The following RHOU variants were observed in gnomAD, a reference collection of about 807,000 sequenced individuals.
RHOU encodes ras homolog family member U, also known as rho-related GTP-binding protein RhoU.
In RHOU, 8 loss-of-function variants were observed where a neutral mutation model predicts 12.6. The ratio of observed to expected loss-of-function variants is 0.64; its 90% confidence interval spans 0.37 to 1.15. RHOU has a LOEUF of 1.15. RHOU is among the 50% of genes most tolerant of loss of function. RHOU has a pLI of 0.01. For synonymous variants in RHOU, 161 were observed against 147.4 expected, an observed-to-expected ratio of 1.09 and a Z score of -0.67; for missense variants, 258 against 347.0, an observed-to-expected ratio of 0.74 and a Z score of 2.04.
chr1:228,692,779 C>T, the RHOU span, among the ~76,000 whole-genome samples: 1 of 151,562 alleles, frequency 6.6e-6, no homozygotes, highest in Admixed American at 6.6e-5. Context: ...CCTATGGATA[C>T]TAGATTTAAG....
chr1:228,738,015 A>G lies in RHOU; in HGVS notation c.321+284A>G, dbSNP rs1169655069. Among the ~76,000 whole-genome samples the G allele has an allele frequency of 6.6e-6, 1 of 152,188 alleles. No individual in the cohort carries two copies. Among genetic ancestry groups the G allele is most frequent in the African/African-American group, 2.4e-5 (1 of 41,440 alleles). On this transcript the variant is annotated intron_variant, in intron 2 of 2. Coordinates refer to ENST00000366691, the MANE Select transcript of RHOU (RefSeq NM_021205.6). This position sits in a 1 kb window ranked among gnomAD's most constrained non-coding sequence, Gnocchi z 4.2. ...AAGAACAGCTCTTGTAGGAGTTTCT[A>G]TTACTTACTCCCTGGTTTTTATGAA... is the stretch of plus-strand genomic sequence containing the variant.
the RHOU span, among the ~76,000 whole-genome samples, chr1:228,665,516 C>T: frequency 2.0e-5 from 3 of 152,184 alleles, no homozygotes; most frequent in Admixed American, 2.0e-4. Flanking sequence ...CTGAGTGACT[C>T]AAATCAGGTA....
At position 228,737,622 on chromosome 1, in the gene RHOU, G is replaced by T. The variant is rs996153168; in HGVS notation, c.263-51G>T. 8 of 1,544,010 alleles carry T rather than the reference G, an allele frequency of 5.2e-6. No homozygotes were observed. Among genetic ancestry groups the T allele is most frequent in the South Asian group, 1.1e-5 (1 of 89,668 alleles). On this transcript the variant is annotated intron_variant, in intron 1 of 2. Coordinates refer to ENST00000366691, the MANE Select transcript of RHOU (RefSeq NM_021205.6). The surrounding 1 kb of genome is among the most constrained non-coding windows in gnomAD (Gnocchi z 4.1). ...TGAAAGCTAAAACTATTAGTATTCCGAAAGGGGTTAAAAGACACCTCCTGA... is the reference window on the plus strand; with the variant it reads ...TGAAAGCTAAAACTATTAGTATTCCTAAAGGGGTTAAAAGACACCTCCTGA...
chr1:228,736,958 C>T (rs1351260649), intron 1 of RHOU, among the ~76,000 whole-genome samples: 2 of 131,636 alleles, frequency 1.5e-5, no homozygotes, highest in Non-Finnish European at 3.2e-5. Context: ...ACCCCTGCAG[C>T]TGACTAGTAT....
the RHOU span, among the ~76,000 whole-genome samples, chr1:228,707,186 T>TATATATATACATATATATATAC: frequency 6.7e-5 from 7 of 104,568 alleles, no homozygotes; most frequent in African/African-American, 3.3e-4. Flanking sequence ...TAACAAAATA[T>TATATATATACATATATATATAC]ATATATATAC....
chr1:228,731,100 A>G (rs1662487947), upstream of RHOU, among the ~76,000 whole-genome samples: 1 of 152,224 alleles, frequency 6.6e-6, no homozygotes, highest in Non-Finnish European at 1.5e-5. Flanking sequence ...AAAAAATCCT[A>G]GAAAATGTAT....
upstream of RHOU, among the ~76,000 whole-genome samples, chr1:228,731,674 A>T (rs954467208): frequency 4.6e-5 from 7 of 152,146 alleles, no homozygotes; most frequent in African/African-American, 1.7e-4. Context: ...TTCATGGAAG[A>T]AGGAGGAAGG....
At chr1:228,651,086 G>T in the RHOU span, 1 of 235,804 alleles carries the variant, frequency 4.2e-6, no homozygotes, top group South Asian at 7.6e-5. Flanking sequence ...CTGCCTGAAG[G>T]AGGCCTTCAA....
chr1:228,738,324 C>T lies in RHOU; in HGVS notation c.321+593C>T, dbSNP rs528909267. Among the ~76,000 whole-genome samples, 23 of 152,288 alleles carry T rather than the reference C, an allele frequency of 1.5e-4. No individual in the cohort carries two copies. Among genetic ancestry groups the T allele is most frequent in the African/African-American group, 4.6e-4 (19 of 41,548 alleles). On this transcript the variant is annotated intron_variant, in intron 2 of 2. Transcript: ENST00000366691. The surrounding 1 kb of genome is among the most constrained non-coding windows in gnomAD (Gnocchi z 4.2). ...AAACTGTGAACGCTGGTTCTTGTCT[C>T]GAGGGCTGGGCCCTTGGAGGAAATA... is the stretch of plus-strand genomic sequence containing the variant.
At position 228,735,864 on chromosome 1, in the gene RHOU, G is replaced by A. The variant is rs1295284811; in HGVS notation, c.122G>A (p.Arg41His). 4.2e-6 allele frequency: 6 copies of A among 1,443,102 alleles called. No individual in the cohort carries two copies. The highest frequency in any genetic ancestry group is 5.4e-6 in the Non-Finnish European group (6 of 1,101,202). The allele number at this position is 1,443,102 out of a possible 1,614,324, so 89.4% of individuals were successfully genotyped here. ...CCTGGGGAGCCGGGGGGCCGGGGGC[G>A]TGCGGGGGGTGCCGAGGGGCGCGGC... Reference protein sequence around the residue: ...RGPGEPGGRGRAGGAEGRGVK... With the variant: ...RGPGEPGGRGHAGGAEGRGVK... The change falls in exon 1 of 3, where the codon CGT becomes CAT. Residue 41 changes from arginine (R) to histidine (H), a missense_variant. Arg to His is a conservative substitution (Grantham distance 29, BLOSUM62 0). Coordinates refer to ENST00000366691, the MANE Select transcript of RHOU (RefSeq NM_021205.6). This position sits in a 1 kb window ranked among gnomAD's most constrained non-coding sequence, Gnocchi z 8.1.
At chr1:228,701,258 C>A in the RHOU span, among the ~76,000 whole-genome samples, 9 of 152,192 alleles carry the variant, frequency 5.9e-5, no homozygotes, top group Admixed American at 1.3e-4. Flanking sequence ...AACATTTAAT[C>A]AAAGTATGAC....
the RHOU span, among the ~76,000 whole-genome samples, chr1:228,693,667 C>T: frequency 9.3e-4 from 142 of 152,190 alleles, no homozygotes; most frequent in Middle Eastern, 0.01. Context: ...GGGCTTTCAC[C>T]GTATTGGCCA....
At chr1:228,659,945 C>G in the RHOU span, among the ~76,000 whole-genome samples, 1 of 127,484 alleles carries the variant, frequency 7.8e-6, no homozygotes, top group Non-Finnish European at 1.6e-5. Context: ...ATGGTAAAAC[C>G]TGGTCTCTAC....
chr1:228,647,347 C>G, the RHOU span, among the ~76,000 whole-genome samples: 2 of 152,326 alleles, frequency 1.3e-5, no homozygotes, highest in African/African-American at 4.8e-5. Context: ...TGCGCCCGCC[C>G]TTTTGGCGGG....
At chr1:228,651,346 C>T in the RHOU span, 3 of 161,600 alleles carry the variant, frequency 1.9e-5, no homozygotes, top group Non-Finnish European at 4.3e-5. Flanking sequence ...CAGAGCTCAG[C>T]AGGAGCCCTG....
chr1:228,715,905 A>G, the RHOU span, among the ~76,000 whole-genome samples: 1 of 151,324 alleles, frequency 6.6e-6, no homozygotes, highest in African/African-American at 2.4e-5. Context: ...TTAGTTTTAA[A>G]AAGTATGAAC....
chr1:228,660,966 G>C, the RHOU span, among the ~76,000 whole-genome samples: 1 of 149,682 alleles, frequency 6.7e-6, no homozygotes, highest in African/African-American at 2.5e-5. Flanking sequence ...TCCTTAAGCT[G>C]ATAAGCAACT....
rs990766958 is a variant in RHOU at position 228,735,500 on chromosome 1, G to T, written c.-243G>T. Reference sequence around the variant, plus strand: ...AGACAGAGCGCTTGGGATCCACGGCGCTCGGACCGCTGTCCTCCAACAGCG... The same window carrying T: ...AGACAGAGCGCTTGGGATCCACGGCTCTCGGACCGCTGTCCTCCAACAGCG... On this transcript the variant is annotated 5_prime_UTR_variant, in exon 1 of 3. Coordinates refer to ENST00000366691, the MANE Select transcript of RHOU (RefSeq NM_021205.6). This position sits in a 1 kb window ranked among gnomAD's most constrained non-coding sequence, Gnocchi z 8.1. 2 of 270,192 alleles carry T rather than the reference G, an allele frequency of 7.4e-6. No individual in the cohort carries two copies. The highest frequency in any genetic ancestry group is 1.4e-5 in the Non-Finnish European group (2 of 145,124). The allele number at this position is 270,192 out of a possible 1,614,324, so 16.7% of individuals were successfully genotyped here. A position where few individuals can be genotyped will look rare whatever the true frequency, so the allele number is the denominator to read the frequency against.
chr1:228,672,018 A>C, the RHOU span, among the ~76,000 whole-genome samples: 1 of 152,286 alleles, frequency 6.6e-6, no homozygotes, highest in African/African-American at 2.4e-5. Flanking sequence ...AAGTGTGCAC[A>C]CTGGTGCACA....
Sources: allele counts gnomAD v4.1 joint callset (sites outside exome capture counted in the v4.1 genomes callset), GRCh38; gene constraint gnomAD v4.1.1; non-coding constraint Gnocchi (gnomAD v3.1); transcripts MANE v1.5; gene names NCBI Gene and HGNC (gene_info 2026-07-23, HGNC 2026-07-21).